The following TRAM2 variants were observed in gnomAD, a reference collection of about 807,000 sequenced individuals.
The protein encoded by TRAM2 is translocating chain-associated membrane protein 2.
A neutral mutation model predicts 51.0 loss-of-function variants in TRAM2; 12 were observed. The observed-to-expected ratio is 0.24, with a 90% CI of 0.15 to 0.38. TRAM2 has a LOEUF of 0.38. Ranked by LOEUF, TRAM2 falls within the 10% of genes least tolerant of loss-of-function variation. The pLI, the probability that TRAM2 is intolerant of heterozygous loss-of-function variation, is 1.00. For synonymous variants in TRAM2, 175 were observed against 179.4 expected, an observed-to-expected ratio of 0.98 and a Z score of 0.20; for missense variants, 361 against 462.0, an observed-to-expected ratio of 0.78 and a Z score of 2.00.
At chr6:52,542,722 G>T (rs972097704) in intron 1 of TRAM2, among the ~76,000 whole-genome samples, 2 of 151,980 alleles carry the variant, frequency 1.3e-5, no homozygotes, top group African/African-American at 4.8e-5. Context: ...GTGACATTGT[G>T]TATTTATGAA....
At chr6:52,565,384 G>C (rs1367815648) in intron 1 of TRAM2, among the ~76,000 whole-genome samples, 3 of 152,152 alleles carry the variant, frequency 2.0e-5, no homozygotes, top group Admixed American at 2.0e-4. Flanking sequence ...CAGACACTGG[G>C]GGCAAGGCAG....
At chr6:52,565,615 G>C (rs1767577966) in intron 1 of TRAM2, among the ~76,000 whole-genome samples, 1 of 152,152 alleles carries the variant, frequency 6.6e-6, no homozygotes, top group African/African-American at 2.4e-5. Flanking sequence ...TCTATTTCTA[G>C]GGGGTCTGGC....
chr6:52,518,685 C>T (rs959551091), intron 2 of TRAM2, among the ~76,000 whole-genome samples: 12 of 152,176 alleles, frequency 7.9e-5, no homozygotes, highest in African/African-American at 2.9e-4. Context: ...GGGAGTCAGG[C>T]ACTGAACACC....
At position 52,497,962 on chromosome 6, in the gene TRAM2, T is replaced by C. The variant is rs750486033; in HGVS notation, c.*5235A>G. On this transcript the variant is annotated 3_prime_UTR_variant, in exon 11 of 11. Coordinates refer to ENST00000182527, the MANE Select transcript of TRAM2 (RefSeq NM_012288.4). ...GCTTTTAGGCAGAGTGACGGTGATG[T>C]CATGGGCACCACGCCAATCTTATTC... 6.6e-6 allele frequency: 1 copy of C among 152,196 alleles called. No individual in the cohort carries two copies. Among genetic ancestry groups the C allele is most frequent in the Non-Finnish European group, 1.5e-5 (1 of 68,044 alleles). The allele number at this position is 152,196 out of a possible 1,614,324, so 9.4% of individuals were successfully genotyped here.
In TRAM2 at chr6:52,576,943, G is replaced by A. The variant is rs747719694; in HGVS notation, c.-28C>T. 4.4e-6 allele frequency: 7 copies of A among 1,591,784 alleles called. No individual in the cohort carries two copies. Among genetic ancestry groups the A allele is most frequent in the South Asian group, 3.4e-5 (3 of 89,004 alleles). On this transcript the variant is annotated 5_prime_UTR_variant, in exon 1 of 11. Transcript: ENST00000182527. Reference sequence around the variant, plus strand: ...CAGCGGGCGCGCAGCGGCCGGCGGGGCCCGCACCCTGCGCTCACGAACCGC... The same window carrying A: ...CAGCGGGCGCGCAGCGGCCGGCGGGACCCGCACCCTGCGCTCACGAACCGC...
At chr6:52,526,178 C>G (rs897614005) in intron 2 of TRAM2, among the ~76,000 whole-genome samples, 42 of 115,476 alleles carry the variant, frequency 3.6e-4, no homozygotes, top group South Asian at 6.6e-4. Context: ...CACACACACA[C>G]ACACACACAC....
rs1239903526 is a variant in TRAM2, at chr6:52,505,693, T to C, written c.781A>G (p.Thr261Ala). The part of the protein sequence containing the change: ...VFGVTRLFIL[T>A]LAVLAIGFGL... ...AAGCCAATGGCCAGCACGGCAAGGGTGAGGATGAAGAGGCGGGTAACCCCA... is the reference window on the plus strand; with the variant it reads ...AAGCCAATGGCCAGCACGGCAAGGGCGAGGATGAAGAGGCGGGTAACCCCA... Residue 261 changes from threonine (T) to alanine (A), a missense_variant, in exon 9 of 11, where the codon ACC becomes GCC. Transcript: ENST00000182527. 3 of 1,612,622 alleles carry C rather than the reference T, an allele frequency of 1.9e-6. No individual in the cohort carries two copies. The highest frequency in any genetic ancestry group is 2.5e-6 in the Non-Finnish European group (3 of 1,179,238).
At chr6:52,534,124 G>C (rs1392661855) in intron 2 of TRAM2, among the ~76,000 whole-genome samples, 1 of 148,606 alleles carries the variant, frequency 6.7e-6, no homozygotes, top group South Asian at 2.1e-4. Flanking sequence ...GCTCACGCCT[G>C]TAATCCCAGC....
chr6:52,527,098 A>T (rs1234981114), intron 2 of TRAM2, among the ~76,000 whole-genome samples: 3 of 152,098 alleles, frequency 2.0e-5, no homozygotes, highest in Non-Finnish European at 4.4e-5. Flanking sequence ...AAAATTATCC[A>T]GCTGGGCATG....
At chr6:52,566,382 G>T (rs1191778643) in intron 1 of TRAM2, among the ~76,000 whole-genome samples, 4 of 152,244 alleles carry the variant, frequency 2.6e-5, no homozygotes, top group Non-Finnish European at 4.4e-5. Context: ...TGCTTTGGGG[G>T]CTTGCTTCCT....
At chr6:52,550,561 T>C (rs1288656797) in intron 1 of TRAM2, among the ~76,000 whole-genome samples, 1 of 151,880 alleles carries the variant, frequency 6.6e-6, no homozygotes, top group Non-Finnish European at 1.5e-5. Context: ...TTTATTTTTA[T>C]TTTTTTTGCG....
chr6:52,527,235 G>A (rs911038311), intron 2 of TRAM2, among the ~76,000 whole-genome samples: 11 of 151,776 alleles, frequency 7.2e-5, no homozygotes, highest in Non-Finnish European at 1.2e-4. Flanking sequence ...AAAATTAGCC[G>A]GGCGTGGTGG....
chr6:52,561,828 G>A (rs143454854), intron 1 of TRAM2, among the ~76,000 whole-genome samples: 67 of 151,510 alleles, frequency 4.4e-4, no homozygotes, highest in African/African-American at 1.5e-3. Flanking sequence ...GGCTGGTCTC[G>A]AACTCCCAAG....
chr6:52,539,271 T>C (rs1275337419), intron 1 of TRAM2, among the ~76,000 whole-genome samples: 1 of 152,232 alleles, frequency 6.6e-6, no homozygotes, highest in Non-Finnish European at 1.5e-5. Context: ...GAGCCGGAAC[T>C]GGAGGCAGAG....
intron 1 of TRAM2, among the ~76,000 whole-genome samples, chr6:52,571,952 G>A (rs903356590): frequency 6.6e-6 from 1 of 152,132 alleles, no homozygotes; most frequent in African/African-American, 2.4e-5. Context: ...GGGTAGTTAG[G>A]GTTAAAATGT....
chr6:52,565,652 A>G (rs1038405705), intron 1 of TRAM2, among the ~76,000 whole-genome samples: 3 of 152,226 alleles, frequency 2.0e-5, no homozygotes, highest in Admixed American at 2.0e-4. Flanking sequence ...ACAGCACACA[A>G]TGGATCCACC....
chr6:52,565,825 C>G (rs1015026664), intron 1 of TRAM2, among the ~76,000 whole-genome samples: 5 of 152,234 alleles, frequency 3.3e-5, no homozygotes, highest in African/African-American at 1.2e-4. Flanking sequence ...CTTCTGTCCA[C>G]TGAACACGCC....
intron 1 of TRAM2, among the ~76,000 whole-genome samples, chr6:52,551,645 G>A (rs868495222): frequency 1.1e-4 from 16 of 152,256 alleles, no homozygotes; most frequent in Admixed American, 3.3e-4. Context: ...ACCAGCTGGG[G>A]TTTGGAATCT....
At chr6:52,535,565 C>T (rs1162759024) in intron 2 of TRAM2, among the ~76,000 whole-genome samples, 1 of 152,172 alleles carries the variant, frequency 6.6e-6, no homozygotes, top group African/African-American at 2.4e-5. Flanking sequence ...CCTGTAATCC[C>T]AGCTACTTGT....
Sources: gnomAD v4.1 joint callset for allele counts (sites outside exome capture counted in the v4.1 genomes callset) on GRCh38, gnomAD v4.1.1 for gene constraint, MANE v1.5 for transcripts, NCBI Gene and HGNC (gene_info 2026-07-23, HGNC 2026-07-21) for gene names.